CBFB: variants seen among roughly 807,000 people sequenced by gnomAD.
CBFB encodes the protein core-binding factor subunit beta, also known as CBF-beta.
CBFB carries 9 observed loss-of-function variants against 30.4 expected under a neutral mutation model. That is an observed-to-expected ratio of 0.30 (90% CI 0.18 to 0.52). The LOEUF (loss-of-function observed/expected upper bound fraction) is 0.52. CBFB is among the 20% of genes least tolerant of loss of function. The pLI, the probability that CBFB is intolerant of heterozygous loss-of-function variation, is 0.97. For missense variants in CBFB, 170 were observed against 244.0 expected, an observed-to-expected ratio of 0.70 and a Z score of 2.02; for synonymous variants, 94 against 84.0, an observed-to-expected ratio of 1.12 and a Z score of -0.65.
At chr16:67,089,411 T>C (rs993092114) in intron 5 of CBFB, among the ~76,000 whole-genome samples, 12 of 152,216 alleles carry the variant, frequency 7.9e-5, no homozygotes, top group African/African-American at 2.9e-4. Flanking sequence ...TTATTATTTT[T>C]CACTGTGTAT....
At chr16:67,049,299 A>G (rs1227978192) in intron 3 of CBFB, among the ~76,000 whole-genome samples, 1 of 151,258 alleles carries the variant, frequency 6.6e-6, no homozygotes, top group Non-Finnish European at 1.5e-5. Flanking sequence ...CGCCTCCCGG[A>G]TTCAAGCTAT....
chr16:67,062,308 A>G (rs1293324531), intron 3 of CBFB, among the ~76,000 whole-genome samples: 2 of 150,158 alleles, frequency 1.3e-5, no homozygotes, highest in African/African-American at 2.4e-5. Flanking sequence ...AGCTGGGATT[A>G]CAAGAGCCCA....
chr16:67,044,700 G>A (rs986217912), intron 3 of CBFB, among the ~76,000 whole-genome samples: 3 of 152,086 alleles, frequency 2.0e-5, no homozygotes, highest in African/African-American at 7.2e-5. Flanking sequence ...TTACGCACTT[G>A]CCTGCAGGAT....
intron 3 of CBFB, among the ~76,000 whole-genome samples, chr16:67,040,628 C>G (rs1966513492): frequency 6.6e-6 from 1 of 152,176 alleles, no homozygotes; most frequent in African/African-American, 2.4e-5. Flanking sequence ...GTTACGTGTA[C>G]TGAGCATTGT....
Position 67,099,262 on chromosome 16 carries a change from T to C in CBFB, c.*484T>C. 4.3e-6 allele frequency: 1 copy of C among 232,350 alleles called. No individual in the cohort carries two copies. The highest frequency in any genetic ancestry group is 6.1e-5 in the East Asian group (1 of 16,274). 14.4% of individuals were successfully genotyped at this position (232,350 alleles called of 1,614,324 possible). A position where few individuals can be genotyped will look rare whatever the true frequency, so the allele number is the denominator to read the frequency against. On this transcript the variant is annotated 3_prime_UTR_variant, in exon 6 of 6. Coordinates refer to ENST00000412916, the MANE Select transcript of CBFB (RefSeq NM_022845.3). The stretch of plus-strand genomic sequence containing the variant: ...TTGTTTGCCCCATTTCCTTTTGTGT[T>C]TTTATAGTCTATAGCATTTTAAAAC...
chr16:67,033,100 C>T (rs954069757), intron 2 of CBFB, among the ~76,000 whole-genome samples: 2 of 151,812 alleles, frequency 1.3e-5, no homozygotes, highest in African/African-American at 4.8e-5. Flanking sequence ...GTCTCAAACT[C>T]CTGACCTCAG....
chr16:67,087,867 T>A (rs761827100), intron 5 of CBFB, among the ~76,000 whole-genome samples: 1 of 152,202 alleles, frequency 6.6e-6, no homozygotes, highest in Non-Finnish European at 1.5e-5. Context: ...GTATGATGCT[T>A]GGTATGTGTA....
intron 1 of CBFB, 61 bp from the exon 2 acceptor site, chr16:67,029,666 G>GGCGGGCGC: frequency 6.8e-7 from 1 of 1,468,516 alleles, no homozygotes; most frequent in Non-Finnish European, 9.4e-7. Context: ...GCGCTGGGAG[G>GGCGGGCGC]GCGGGCGCGC....
At chr16:67,039,557 T>C (rs1966496483) in intron 3 of CBFB, among the ~76,000 whole-genome samples, 1 of 152,218 alleles carries the variant, frequency 6.6e-6, no homozygotes, top group Non-Finnish European at 1.5e-5. Context: ...ATTATAATCT[T>C]ACAAGACCAC....
At chr16:67,091,988 C>T (rs772946037) in intron 5 of CBFB, among the ~76,000 whole-genome samples, 2 of 152,144 alleles carry the variant, frequency 1.3e-5, no homozygotes, top group African/African-American at 4.8e-5. Flanking sequence ...ATTCTCCTGC[C>T]TCAGCCTCCC....
chr16:67,066,557 CTCAA>C lies in CBFB; in HGVS notation c.283-117_283-114del, dbSNP rs143269995. Reference sequence around the variant, plus strand: ...CCTGGGGAGCACAGCGAAACTCCATCTCAATCAATCAGTCAATCATAATTTTATT... The same window carrying C: ...CCTGGGGAGCACAGCGAAACTCCATCTCAATCAGTCAATCATAATTTTATT... On this transcript the variant is annotated intron_variant, in intron 3 of 5. Coordinates refer to ENST00000412916, the MANE Select transcript of CBFB (RefSeq NM_022845.3). 4,095 of 525,758 alleles carry C rather than the reference CTCAA, an allele frequency of 7.8e-3. 126 individuals are homozygous for C. Among genetic ancestry groups the C allele is most frequent in the African/African-American group, 0.071 (3,632 of 51,320 alleles). 32.6% of individuals were successfully genotyped at this position (525,758 alleles called of 1,614,324 possible). A position where few individuals can be genotyped will look rare whatever the true frequency, so the allele number is the denominator to read the frequency against.
At chr16:67,084,735 T>G (rs1961670696) in intron 5 of CBFB, among the ~76,000 whole-genome samples, 1 of 152,206 alleles carries the variant, frequency 6.6e-6, no homozygotes, top group African/African-American at 2.4e-5. Flanking sequence ...ATATGTACAC[T>G]ATTGTTTAAA....
chr16:67,092,356 G>A (rs563612462), intron 5 of CBFB, among the ~76,000 whole-genome samples: 1 of 152,090 alleles, frequency 6.6e-6, no homozygotes, highest in Non-Finnish European at 1.5e-5. Context: ...TGTGCTTTGT[G>A]TCTCCTCCAG....
chr16:67,067,520 AAAC>A (rs573296160), intron 4 of CBFB, among the ~76,000 whole-genome samples: 6 of 152,170 alleles, frequency 3.9e-5, no homozygotes, highest in South Asian at 2.1e-4. Flanking sequence ...TCTGTCTCAA[AAAC>A]AACAACAACA....
intron 4 of CBFB, among the ~76,000 whole-genome samples, chr16:67,079,689 C>T (rs1664057631): frequency 6.6e-6 from 1 of 152,114 alleles, no homozygotes; most frequent in South Asian, 2.1e-4. Context: ...ATGTCTCAAA[C>T]TTTCTTGGAA....
chr16:67,042,760 C>T (rs886637340), intron 3 of CBFB, among the ~76,000 whole-genome samples: 9 of 152,008 alleles, frequency 5.9e-5, no homozygotes, highest in South Asian at 2.1e-4. Flanking sequence ...TTATTTGAGA[C>T]GGGGTCTTGC....
At chr16:67,083,090 A>T (rs1961615872) in intron 5 of CBFB, among the ~76,000 whole-genome samples, 1 of 152,078 alleles carries the variant, frequency 6.6e-6, no homozygotes, top group Non-Finnish European at 1.5e-5. Flanking sequence ...AAGGTAGGAG[A>T]ATCACTTGAG....
chr16:67,087,919 A>G lies in CBFB; in HGVS notation c.495+5611A>G, dbSNP rs183462337. Among the ~76,000 whole-genome samples, 123 of 152,354 alleles carry G rather than the reference A, an allele frequency of 8.1e-4. 3 individuals carry two copies. The East Asian group carries it at 0.022, about 27-fold the overall frequency. On this transcript the variant is annotated intron_variant, in intron 5 of 5. Transcript: ENST00000412916. ...TAGCTCTGAAGTACTTCTTTTTAGC[A>G]CTAAAAGCTCCACCATAATGCTGGT...
intron 3 of CBFB, among the ~76,000 whole-genome samples, chr16:67,038,862 T>C (rs961639887): frequency 6.6e-6 from 1 of 152,196 alleles, no homozygotes; most frequent in Non-Finnish European, 1.5e-5. Context: ...TACTGAAGTC[T>C]TCCGGTATTT....
Sources: gnomAD v4.1 joint callset for allele counts (sites outside exome capture counted in the v4.1 genomes callset) on GRCh38, gnomAD v4.1.1 for gene constraint, MANE v1.5 for transcripts, NCBI Gene and HGNC (gene_info 2026-07-23, HGNC 2026-07-21) for gene names.